MCCC1: variants seen among roughly 807,000 people sequenced by gnomAD.
MCCC1 encodes the protein methylcrotonyl-CoA carboxylase subunit 1.
Under a neutral mutation model 83.8 loss-of-function variants are expected in MCCC1, and 64 were observed. That is an observed-to-expected ratio of 0.76 (90% CI 0.62 to 0.94). MCCC1 has a LOEUF of 0.94. Among genes scored for constraint, MCCC1 ranks in the 40% least tolerant of loss-of-function variants. MCCC1 has a pLI of 0.00. For synonymous variants in MCCC1, 322 were observed against 315.4 expected, an observed-to-expected ratio of 1.02 and a Z score of -0.22; for missense variants, 807 against 904.7, an observed-to-expected ratio of 0.89 and a Z score of 1.39.
intron 1 of MCCC1, among the ~76,000 whole-genome samples, chr3:183,105,704 GA>G (rs758029555): frequency 5.1e-4 from 76 of 148,660 alleles, no homozygotes; most frequent in East Asian, 3.0e-3. Flanking sequence ...AAAGAAGAAA[GA>G]AAAAAAAAAA....
At chr3:183,046,148 A>G (rs1714541144) in intron 9 of MCCC1, among the ~76,000 whole-genome samples, 1 of 152,234 alleles carries the variant, frequency 6.6e-6, no homozygotes, top group Non-Finnish European at 1.5e-5. Flanking sequence ...AACCACAATG[A>G]AACTACAGAA....
At chr3:183,038,948 G>A in intron 12 of MCCC1, 78 bp downstream of exon 12, 4 of 1,261,234 alleles carry the variant, frequency 3.2e-6, no homozygotes, top group Non-Finnish European at 4.7e-6. Context: ...CGAGACCAAG[G>A]CCCTGCCAAA....
rs1233593514 is a variant in MCCC1 at position 183,034,015 on chromosome 3, T to C, written c.1657A>G (p.Met553Val). 8 of 1,610,350 alleles carry C rather than the reference T, an allele frequency of 5.0e-6. No individual in the cohort carries two copies. The Admixed American group carries it at 6.7e-5, about 13-fold the overall frequency. ...CTGTTTTTACCATCTTTAAGAGTCATGTTTCTGGTATACGAGATATTCAGT... is the reference window on the plus strand; with the variant it reads ...CTGTTTTTACCATCTTTAAGAGTCACGTTTCTGGTATACGAGATATTCAGT... ...RRLNISYTRN[M>V]TLKDGKNNVA... is the part of the protein sequence containing the mutation. The change falls in exon 14 of 19, where the codon ATG (methionine) becomes GTG (valine). Residue 553 changes from methionine to valine, a missense_variant. Physicochemically the swap from Met to Val is conservative, Grantham distance 21. Coordinates refer to ENST00000265594, the MANE Select transcript of MCCC1 (RefSeq NM_020166.5).
At chr3:183,066,517 C>T (rs976237830) in intron 7 of MCCC1, among the ~76,000 whole-genome samples, 2 of 152,280 alleles carry the variant, frequency 1.3e-5, no homozygotes, top group East Asian at 3.9e-4. Flanking sequence ...GTTGGTCAGG[C>T]TGGTCTCAAA....
intron 1 of MCCC1, among the ~76,000 whole-genome samples, chr3:183,095,031 C>G (rs1718636268): frequency 6.6e-6 from 1 of 152,154 alleles, no homozygotes; most frequent in Admixed American, 6.5e-5. Flanking sequence ...CACCTGTAAT[C>G]CCAGCACTTT....
At chr3:183,035,110 T>C (rs1713459536) in intron 13 of MCCC1, among the ~76,000 whole-genome samples, 1 of 152,208 alleles carries the variant, frequency 6.6e-6, no homozygotes, top group African/African-American at 2.4e-5. Flanking sequence ...TATCCTCTAT[T>C]GGACAATATC....
intron 14 of MCCC1, among the ~76,000 whole-genome samples, chr3:183,030,613 A>G (rs1712982853): frequency 6.6e-6 from 1 of 152,142 alleles, no homozygotes; most frequent in Non-Finnish European, 1.5e-5. Context: ...GTTTCAGAAA[A>G]ATTATCAAAA....
chr3:183,030,818 T>C (rs1281144651), intron 14 of MCCC1, among the ~76,000 whole-genome samples: 2 of 152,178 alleles, frequency 1.3e-5, no homozygotes, highest in Non-Finnish European at 2.9e-5. Context: ...AAACTTTGTA[T>C]TGAATGTATG....
intron 3 of MCCC1, among the ~76,000 whole-genome samples, chr3:183,087,748 G>T (rs1453871392): frequency 6.8e-6 from 1 of 147,158 alleles, no homozygotes; most frequent in Non-Finnish European, 1.5e-5. Context: ...GTCGGCACCC[G>T]TAGTCCCAGC....
chr3:183,115,124 C>T (rs1361583408), intron 1 of MCCC1, among the ~76,000 whole-genome samples: 1 of 152,162 alleles, frequency 6.6e-6, no homozygotes, highest in African/African-American at 2.4e-5. Context: ...ACCCCTCTGA[C>T]GGCCTTGATA....
chr3:183,033,823 A>T (rs1266070418), intron 14 of MCCC1, among the ~76,000 whole-genome samples, 168 bp downstream of exon 14: 1 of 152,122 alleles, frequency 6.6e-6, no homozygotes, highest in East Asian at 1.9e-4. Context: ...CAACTCTACT[A>T]CCCAGAGCCA....
chr3:183,114,984 G>C (rs189425982), intron 1 of MCCC1, among the ~76,000 whole-genome samples: 18 of 152,134 alleles, frequency 1.2e-4, no homozygotes, highest in Admixed American at 4.6e-4. Context: ...CTCCCGGCTC[G>C]TGGTGCTAAA....
At chr3:183,066,950 T>C (rs2108519455) in intron 7 of MCCC1, among the ~76,000 whole-genome samples, 1 of 152,400 alleles carries the variant, frequency 6.6e-6, no homozygotes, top group African/African-American at 2.4e-5. Context: ...TCTCTCTATC[T>C]GATTTCTCCA....
Position 183,039,077 on chromosome 3 carries a change from T to G in MCCC1, c.1326A>C (p.Ala442=), listed in dbSNP as rs1288704064. The G allele has an allele frequency of 1.2e-6, 2 of 1,614,228 alleles. No homozygotes were observed. Among genetic ancestry groups the G allele is most frequent in the Admixed American group, 3.3e-5 (2 of 60,030 alleles). The part of the protein sequence containing the change: ...PMIAKLVVWA[A]DRQAALTKLR... Reference sequence around the variant, plus strand: ...GTTTTGTCAATGCCGCCTGGCGATCTGCTGCCCACACGACCAGCTTCGCAA... The same window carrying G: ...GTTTTGTCAATGCCGCCTGGCGATCGGCTGCCCACACGACCAGCTTCGCAA... Residue 442 remains alanine, a synonymous_variant, in exon 12 of 19, where the codon GCA becomes GCC. Transcript: ENST00000265594.
chr3:183,037,484 G>A, intron 12 of MCCC1, 50 bp from the exon 13 acceptor site: 1 of 1,441,650 alleles, frequency 6.9e-7, no homozygotes. Flanking sequence ...AAAACAATAT[G>A]TTCAGAAAAC....
intron 9 of MCCC1, among the ~76,000 whole-genome samples, chr3:183,049,571 A>C (rs1714804203): frequency 7.1e-6 from 1 of 141,582 alleles, no homozygotes; most frequent in Admixed American, 7.1e-5. Flanking sequence ...ACTTTGTTTC[A>C]AAAAAAAAAA....
Position 183,087,191 on chromosome 3 carries a change from T to C in MCCC1, c.274-403A>G, listed in dbSNP as rs560410659. On this transcript the variant is annotated intron_variant, in intron 3 of 18. Coordinates refer to ENST00000265594, the MANE Select transcript of MCCC1 (RefSeq NM_020166.5). ...TACACAAAGAAAAAAGCTTACAAAG[T>C]TGATTAAAGTTTATATAATTATCAG... Among the ~76,000 whole-genome samples the C allele has an allele frequency of 3.3e-5, 5 of 152,336 alleles. No individual in the cohort carries two copies. The East Asian group carries it at 9.6e-4, about 29-fold the overall frequency.
chr3:183,029,062 AT>A (rs1055830206), intron 14 of MCCC1: 1 of 152,218 alleles, frequency 6.6e-6, no homozygotes. Flanking sequence ...TAACTTTTAT[AT>A]GCATGAGGAA....
At chr3:183,085,630 T>TAAAA in intron 4 of MCCC1, among the ~76,000 whole-genome samples, 1 of 103,290 alleles carries the variant, frequency 9.7e-6, no homozygotes, top group Non-Finnish European at 1.9e-5. Flanking sequence ...ACCCTGTCTT[T>TAAAA]AAAAAAAAAA....
Sources: allele counts gnomAD v4.1 joint callset (sites outside exome capture counted in the v4.1 genomes callset), GRCh38; gene constraint gnomAD v4.1.1; transcripts MANE v1.5; gene names NCBI Gene and HGNC (gene_info 2026-07-23, HGNC 2026-07-21).